PRKCA: variants seen among roughly 807,000 people sequenced by gnomAD.
PRKCA encodes protein kinase C alpha type.
PRKCA carries 27 observed loss-of-function variants against 87.0 expected under a neutral mutation model. That is an observed-to-expected ratio of 0.31 (90% CI 0.23 to 0.43). The LOEUF (loss-of-function observed/expected upper bound fraction) is 0.43. Ranked by LOEUF, PRKCA falls within the 20% of genes least tolerant of loss-of-function variation. The pLI, the probability that PRKCA is intolerant of heterozygous loss-of-function variation, is 1.00. For synonymous variants in PRKCA, 329 were observed against 311.1 expected, an observed-to-expected ratio of 1.06 and a Z score of -0.61; for missense variants, 518 against 852.3, an observed-to-expected ratio of 0.61 and a Z score of 4.88.
chr17:66,687,565 G>T (rs1352704883), intron 6 of PRKCA, among the ~76,000 whole-genome samples: 3 of 152,176 alleles, frequency 2.0e-5, no homozygotes, highest in African/African-American at 4.8e-5. Flanking sequence ...AATGTGTCAG[G>T]TGTGTCCACC....
chr17:66,594,105 A>G (rs1380883673), intron 3 of PRKCA, among the ~76,000 whole-genome samples: 3 of 152,222 alleles, frequency 2.0e-5, no homozygotes, highest in Non-Finnish European at 4.4e-5. Context: ...GAGTAAATCT[A>G]TCCCACATTG....
intron 13 of PRKCA, among the ~76,000 whole-genome samples, chr17:66,748,513 A>G (rs932843817): frequency 1.3e-5 from 2 of 152,178 alleles, no homozygotes; most frequent in African/African-American, 4.8e-5. Flanking sequence ...CTTGGACCCC[A>G]AGGAGGGCAA....
chr17:66,364,999 T>G (rs1908617966), intron 2 of PRKCA, among the ~76,000 whole-genome samples: 1 of 152,198 alleles, frequency 6.6e-6, no homozygotes, highest in South Asian at 2.1e-4. Flanking sequence ...TTGTATGTGT[T>G]TAAAAAGTCC....
At chr17:66,688,573 C>A in intron 7 of PRKCA, 137 bp downstream of exon 7, 1 of 1,144,978 alleles carries the variant, frequency 8.7e-7, no homozygotes, top group Non-Finnish European at 1.2e-6. Context: ...GAGGCCGAGG[C>A]AGGTGGATTG....
At chr17:66,774,355 T>G in intron 14 of PRKCA, 1 of 1,221,672 alleles carries the variant, frequency 8.2e-7, no homozygotes, top group Non-Finnish European at 1.0e-6. Flanking sequence ...GCGCGGTGGC[T>G]CATGGCTATA....
chr17:66,506,609 A>G (rs1295070325), intron 3 of PRKCA, among the ~76,000 whole-genome samples: 1 of 152,150 alleles, frequency 6.6e-6, no homozygotes. Context: ...TGAGACTTTT[A>G]CTGAACTCCC....
intron 2 of PRKCA, among the ~76,000 whole-genome samples, chr17:66,321,904 T>G (rs1905693097): frequency 6.6e-6 from 1 of 152,196 alleles, no homozygotes; most frequent in African/African-American, 2.4e-5. Context: ...TTCCATGAAC[T>G]CAGACTCATG....
chr17:66,778,097 C>T, intron 14 of PRKCA: 1 of 985,430 alleles, frequency 1.0e-6, no homozygotes, highest in South Asian at 4.7e-5. Flanking sequence ...CTGGAGAGCA[C>T]CAGGCTCCAG....
intron 14 of PRKCA, among the ~76,000 whole-genome samples, chr17:66,782,625 A>G (rs1975268842): frequency 6.6e-6 from 1 of 152,196 alleles, no homozygotes; most frequent in African/African-American, 2.4e-5. Context: ...TCAGGCCCCC[A>G]GGGCTGCCCC....
intron 13 of PRKCA, among the ~76,000 whole-genome samples, chr17:66,754,123 T>A (rs1454728562): frequency 6.6e-6 from 1 of 152,150 alleles, no homozygotes; most frequent in Non-Finnish European, 1.5e-5. Context: ...GGCCTCATCC[T>A]AGGTCAATAG....
intron 2 of PRKCA, among the ~76,000 whole-genome samples, chr17:66,405,851 A>G (rs1046098378): frequency 6.6e-6 from 1 of 152,200 alleles, no homozygotes; most frequent in African/African-American, 2.4e-5. Flanking sequence ...TGGTAGGAGA[A>G]TATGCTTTGC....
At position 66,474,444 on chromosome 17, in the gene PRKCA, T is replaced by C. The variant is rs112687309; in HGVS notation, c.206-21757T>C. 6.0e-3 allele frequency among the ~76,000 whole-genome samples: 911 copies of C among 152,334 alleles called. 9 individuals are homozygous for C. The highest frequency in any genetic ancestry group is 0.02 in the African/African-American group (837 of 41,582). On this transcript the variant is annotated intron_variant, in intron 2 of 16. Transcript: ENST00000413366. Reference sequence around the variant, plus strand: ...CCTAGCTGGAAGGCTGCTATTGTTATGCAAATTGGAAAAGCACACTTTTAA... The same window carrying C: ...CCTAGCTGGAAGGCTGCTATTGTTACGCAAATTGGAAAAGCACACTTTTAA...
intron 2 of PRKCA, among the ~76,000 whole-genome samples, chr17:66,359,166 A>G (rs1008128634): frequency 6.6e-6 from 1 of 152,158 alleles, no homozygotes; most frequent in African/African-American, 2.4e-5. Context: ...GGGGAGAGCC[A>G]AGTAAATTAA....
intron 2 of PRKCA, among the ~76,000 whole-genome samples, chr17:66,402,487 ATAATT>A (rs1567810576): frequency 6.7e-6 from 1 of 149,648 alleles, no homozygotes; most frequent in Non-Finnish European, 1.5e-5. Flanking sequence ...GAGGTTGTTG[ATAATT>A]AAAGTAGCTG....
intron 13 of PRKCA, among the ~76,000 whole-genome samples, chr17:66,759,793 G>T (rs1974640539): frequency 6.6e-6 from 1 of 152,208 alleles, no homozygotes; most frequent in African/African-American, 2.4e-5. Context: ...TATATTAATT[G>T]CAGCTAGAGC....
chr17:66,489,404 CT>C (rs1170039201), intron 2 of PRKCA, among the ~76,000 whole-genome samples: 20 of 138,282 alleles, frequency 1.4e-4, no homozygotes, highest in Non-Finnish European at 2.5e-4. Flanking sequence ...TATTTCCCCC[CT>C]CAATGAATAT....
intron 2 of PRKCA, among the ~76,000 whole-genome samples, chr17:66,466,993 G>A (rs1915114433): frequency 6.6e-6 from 1 of 152,164 alleles, no homozygotes; most frequent in Non-Finnish European, 1.5e-5. Context: ...AAAGCAAAAT[G>A]ATGCTCATAT....
intron 2 of PRKCA, among the ~76,000 whole-genome samples, chr17:66,396,057 T>TTG (rs1910646064): frequency 1.7e-4 from 1 of 5,860 alleles, no homozygotes; most frequent in African/African-American, 2.4e-4. Flanking sequence ...GGTTTAACTG[T>TTG]TTTTTTTTTT....
At chr17:66,664,042 AT>A in intron 5 of PRKCA, among the ~76,000 whole-genome samples, 1 of 151,636 alleles carries the variant, frequency 6.6e-6, no homozygotes, top group South Asian at 2.1e-4. Flanking sequence ...TAATTTTTGT[AT>A]TTTTAGTAGA....
Sources: allele counts gnomAD v4.1 joint callset (sites outside exome capture counted in the v4.1 genomes callset), GRCh38; gene constraint gnomAD v4.1.1; transcripts MANE v1.5; gene names NCBI Gene and HGNC (gene_info 2026-07-23, HGNC 2026-07-21).